Variants in HERC2 observed in about 807,000 individuals in gnomAD.
The protein encoded by HERC2 is E3 ubiquitin-protein ligase HERC2.
HERC2 carries 102 observed loss-of-function variants against 537.7 expected under a neutral mutation model. That is an observed-to-expected ratio of 0.19 (90% CI 0.16 to 0.22). The LOEUF is 0.22. HERC2 is among the 10% of genes least tolerant of loss of function. The pLI, the probability that HERC2 is intolerant of heterozygous loss-of-function variation, is 1.00. For synonymous variants in HERC2, 2,224 were observed against 2,466.2 expected (o/e 0.90, Z 2.91); for missense variants, 4,236 against 6,198.2 (o/e 0.68, Z 10.63).
In HERC2 at chr15:28,233,134, T is replaced by C; in HGVS notation, c.4675+12A>G. 1 of 1,604,506 alleles carries C rather than the reference T, an allele frequency of 6.2e-7. No homozygotes were observed. The highest frequency in any genetic ancestry group is 1.1e-5 in the South Asian group (1 of 90,778). ...AGCTTTAATAGTATCTTCTGTCCTT[T>C]TACATTCTTACCTCTCTTTTTCCTT... On this transcript the variant is annotated intron_variant, in intron 30 of 92. Coordinates refer to ENST00000261609, the MANE Select transcript of HERC2 (RefSeq NM_004667.6).
At chr15:28,278,421 C>T (rs1380252507) in intron 5 of HERC2, among the ~76,000 whole-genome samples, 1 of 152,070 alleles carries the variant, frequency 6.6e-6, no homozygotes. Context: ...CTATAACACC[C>T]AATACAAGGT....
In HERC2 at chr15:28,248,545, A is replaced by T; in HGVS notation, c.3235+7T>A. Reference sequence around the variant, plus strand: ...TACAAGACACTTTCACATTTTAAGCAACTTACTAGAAATATCTGAGGTCTG... The same window carrying T: ...TACAAGACACTTTCACATTTTAAGCTACTTACTAGAAATATCTGAGGTCTG... On this transcript the variant is annotated splice_region_variant and intron_variant, in intron 21 of 92. Coordinates refer to ENST00000261609, the MANE Select transcript of HERC2 (RefSeq NM_004667.6). 3 of 1,609,644 alleles carry T rather than the reference A, an allele frequency of 1.9e-6. No individual in the cohort carries two copies. The highest frequency in any genetic ancestry group is 2.6e-6 in the Non-Finnish European group (3 of 1,176,288).
chr15:28,257,799 G>C (rs1369198147), intron 16 of HERC2, among the ~76,000 whole-genome samples: 1 of 150,454 alleles, frequency 6.6e-6, no homozygotes, highest in African/African-American at 2.5e-5. Flanking sequence ...TGGAGCCTCA[G>C]CCTCCCAAGT....
Position 28,292,946 on chromosome 15 carries a change from A to G in HERC2, c.264T>C (p.Pro88=), listed in dbSNP as rs763709719. The G allele has an allele frequency of 1.2e-6, 2 of 1,611,380 alleles. No individual in the cohort carries two copies. Among genetic ancestry groups the G allele is most frequent in the South Asian group, 2.2e-5 (2 of 90,888 alleles). The change falls in exon 4 of 93, where the codon CCT becomes CCC. Residue 88 remains proline (P), a synonymous_variant. Transcript: ENST00000261609. ...DKEKKDEEET[P]APIYRAKSIL... is the part of the protein sequence containing the mutation. ...TTGACTTGGCCCTATATATAGGTGC[A>G]GGAGTTTCTTCTTCATCTTTTTTCT...
chr15:28,224,166 C>CACAGAGAG (rs748053596), intron 35 of HERC2, among the ~76,000 whole-genome samples: 7 of 147,656 alleles, frequency 4.7e-5, no homozygotes, highest in African/African-American at 1.8e-4. Flanking sequence ...CACACACACA[C>CACAGAGAG]AGAGAGAGAG....
chr15:28,205,304 C>A (rs1450214730), intron 45 of HERC2, among the ~76,000 whole-genome samples: 2 of 79,812 alleles, frequency 2.5e-5, no homozygotes. Flanking sequence ...AGTTGCTCAG[C>A]GTCTTCTTTT....
intron 24 of HERC2, 68 bp from the exon 25 acceptor site, chr15:28,238,285 G>T: frequency 8.6e-7 from 1 of 1,156,360 alleles, no homozygotes; most frequent in Non-Finnish European, 1.3e-6. Context: ...AGGAGAAACA[G>T]TGAATAGGAA....
chr15:28,251,946 T>C (rs2075097857), intron 20 of HERC2, among the ~76,000 whole-genome samples: 1 of 152,194 alleles, frequency 6.6e-6, no homozygotes, highest in Admixed American at 6.5e-5. Flanking sequence ...ACCATCAGGG[T>C]AGCTTACATA....
intron 83 of HERC2, among the ~76,000 whole-genome samples, chr15:28,129,515 A>G (rs1289613610): frequency 6.6e-6 from 1 of 152,236 alleles, no homozygotes; most frequent in Non-Finnish European, 1.5e-5. Flanking sequence ...CAGACAGTTC[A>G]GGCACAGTGA....
intron 85 of HERC2, among the ~76,000 whole-genome samples, chr15:28,121,926 G>A (rs1888940226): frequency 7.6e-6 from 1 of 131,424 alleles, no homozygotes; most frequent in Non-Finnish European, 1.6e-5. Flanking sequence ...CCACGGGCCA[G>A]GGAGCACCGC....
At chr15:28,197,049 T>C (rs1379517189) in intron 50 of HERC2, among the ~76,000 whole-genome samples, 1 of 152,258 alleles carries the variant, frequency 6.6e-6, no homozygotes, top group Non-Finnish European at 1.5e-5. Flanking sequence ...ATTTGTCTTG[T>C]TTTGATTTGC....
At chr15:28,321,848 A>G (rs2141350521) in intron 1 of HERC2, among the ~76,000 whole-genome samples, 1 of 145,520 alleles carries the variant, frequency 6.9e-6, no homozygotes, top group Admixed American at 6.6e-5. Context: ...ACCCCACAGC[A>G]GGGCGCGTGC....
chr15:28,316,840 G>A (rs1245387261), intron 2 of HERC2, among the ~76,000 whole-genome samples: 2 of 152,124 alleles, frequency 1.3e-5, no homozygotes, highest in East Asian at 1.9e-4. Flanking sequence ...GCAGTGGCGC[G>A]ATCTCGGCTC....
chr15:28,133,577 AC>A (rs1199914326), intron 79 of HERC2, among the ~76,000 whole-genome samples: 1 of 152,230 alleles, frequency 6.6e-6, no homozygotes, highest in Non-Finnish European at 1.5e-5. Context: ...TTTACATTTT[AC>A]ATTCTACATT....
At chr15:28,165,220 C>A (rs887463324) in intron 68 of HERC2, among the ~76,000 whole-genome samples, 7 of 152,194 alleles carry the variant, frequency 4.6e-5, no homozygotes, top group Middle Eastern at 3.4e-3. Context: ...CCATGGAGGA[C>A]CATGGAGGCA....
At chr15:28,115,358 C>T in intron 89 of HERC2, 71 bp downstream of exon 89, 2 of 1,017,112 alleles carry the variant, frequency 2.0e-6, no homozygotes, top group Non-Finnish European at 2.9e-6. Context: ...CACAGCCTGA[C>T]CGGACCCGCA....
At chr15:28,275,829 C>T (rs894224942) in intron 5 of HERC2, among the ~76,000 whole-genome samples, 2 of 151,360 alleles carry the variant, frequency 1.3e-5, no homozygotes, top group African/African-American at 2.4e-5. Flanking sequence ...ATAATCTCAA[C>T]TCAATCATGC....
chr15:28,164,269 G>T (rs1225459804), intron 68 of HERC2, among the ~76,000 whole-genome samples: 1 of 152,162 alleles, frequency 6.6e-6, no homozygotes, highest in Non-Finnish European at 1.5e-5. Context: ...ACAGGCTGGG[G>T]GAAGGACAGC....
At chr15:28,299,650 A>G in intron 2 of HERC2, 134 bp from the exon 3 acceptor site, 1 of 605,368 alleles carries the variant, frequency 1.7e-6, no homozygotes, top group Non-Finnish European at 3.0e-6. Flanking sequence ...TGATTTACTG[A>G]ATTAGTGATT....
Sources: gnomAD v4.1 joint callset for allele counts (sites outside exome capture counted in the v4.1 genomes callset) on GRCh38, gnomAD v4.1.1 for gene constraint, MANE v1.5 for transcripts, NCBI Gene and HGNC (gene_info 2026-07-23, HGNC 2026-07-21) for gene names.